The following CNTNAP2 variants were observed in gnomAD, a reference collection of about 807,000 sequenced individuals.
CNTNAP2 encodes the protein contactin associated protein 2, also known as contactin-associated protein-like 2.
In CNTNAP2, 98 loss-of-function variants were observed where a neutral mutation model predicts 155.2. The observed-to-expected ratio is 0.63, with a 90% CI of 0.54 to 0.75. The LOEUF (loss-of-function observed/expected upper bound fraction) is 0.75, where lower values mean the gene tolerates loss of function less well. Ranked by LOEUF, CNTNAP2 falls within the 30% of genes least tolerant of loss-of-function variation. CNTNAP2 has a pLI of 0.00. For synonymous variants in CNTNAP2, 651 were observed against 631.2 expected (o/e 1.03, Z -0.47); for missense variants, 1,727 against 1,688.1 (o/e 1.02, Z -0.40).
At chr7:146,330,660 G>A (rs969606440) in intron 1 of CNTNAP2, among the ~76,000 whole-genome samples, 6 of 152,238 alleles carry the variant, frequency 3.9e-5, no homozygotes, top group South Asian at 2.1e-4. Flanking sequence ...ACTTTTCATC[G>A]AAAGAGAACA....
intron 8 of CNTNAP2, among the ~76,000 whole-genome samples, chr7:147,156,141 G>A (rs1055654985): frequency 9.9e-5 from 15 of 152,176 alleles, no homozygotes; most frequent in African/African-American, 2.6e-4. Flanking sequence ...GGTAGATTTC[G>A]GAGCCTCATA....
chr7:147,148,792 G>T (rs968224759), intron 8 of CNTNAP2, among the ~76,000 whole-genome samples: 1 of 152,174 alleles, frequency 6.6e-6, no homozygotes, highest in Non-Finnish European at 1.5e-5. Context: ...ACTGACTTCG[G>T]GAGTGAAGCC....
At chr7:146,189,562 A>G (rs1480526117) in intron 1 of CNTNAP2, among the ~76,000 whole-genome samples, 1 of 152,196 alleles carries the variant, frequency 6.6e-6, no homozygotes, top group Non-Finnish European at 1.5e-5. Flanking sequence ...AACAAAGTCT[A>G]TACATATGCA....
intron 1 of CNTNAP2, among the ~76,000 whole-genome samples, chr7:146,392,712 C>T (rs535832963): frequency 2.6e-5 from 4 of 152,124 alleles, no homozygotes; most frequent in East Asian, 1.9e-4. Context: ...GGAACAGTTT[C>T]TTAACATTCC....
intron 15 of CNTNAP2, among the ~76,000 whole-genome samples, chr7:148,045,046 G>A (rs1802751709): frequency 6.6e-6 from 1 of 152,162 alleles, no homozygotes; most frequent in African/African-American, 2.4e-5. Flanking sequence ...AAAGCTCTGA[G>A]CAGAAGGAGA....
At chr7:147,926,970 A>C (rs1585032930) in intron 14 of CNTNAP2, among the ~76,000 whole-genome samples, 1 of 152,218 alleles carries the variant, frequency 6.6e-6, no homozygotes. Flanking sequence ...AATCAAATTA[A>C]TTACTAATAA....
At chr7:147,858,989 C>T (rs1182478248) in intron 13 of CNTNAP2, among the ~76,000 whole-genome samples, 1 of 152,098 alleles carries the variant, frequency 6.6e-6, no homozygotes, top group Non-Finnish European at 1.5e-5. Flanking sequence ...GTCAGAACTC[C>T]TCTTATCTCT....
chr7:147,677,555 G>A (rs916686439), intron 13 of CNTNAP2, among the ~76,000 whole-genome samples: 3 of 151,742 alleles, frequency 2.0e-5, no homozygotes, highest in Non-Finnish European at 3.0e-5. Flanking sequence ...TGCTTTTGTC[G>A]CCTGTGCTTT....
At chr7:148,386,344 A>C (rs1455398739) in intron 22 of CNTNAP2, among the ~76,000 whole-genome samples, 3 of 152,142 alleles carry the variant, frequency 2.0e-5, no homozygotes, top group African/African-American at 7.2e-5. Flanking sequence ...CCTGACCAAC[A>C]CGGTGAAAGC....
chr7:148,101,350 A>AGTGTGTGTGT (rs4015917), intron 15 of CNTNAP2, among the ~76,000 whole-genome samples: 6 of 144,354 alleles, frequency 4.2e-5, no homozygotes, highest in South Asian at 2.3e-4. Flanking sequence ...TAAAAAGTTC[A>AGTGTGTGTGT]GTGTGTGTGT....
intron 14 of CNTNAP2, 69 bp from the exon 15 acceptor site, chr7:147,977,793 C>A: frequency 6.3e-7 from 1 of 1,598,020 alleles, no homozygotes; most frequent in African/African-American, 1.3e-5. Context: ...ACAACGTAAG[C>A]AACTAGCAGA....
At chr7:146,898,159 TATTGTC>T (rs1165088926) in intron 3 of CNTNAP2, among the ~76,000 whole-genome samples, 1 of 152,098 alleles carries the variant, frequency 6.6e-6, no homozygotes, top group African/African-American at 2.4e-5. Flanking sequence ...GTATATAACT[TATTGTC>T]AATTCTGCAA....
At chr7:147,762,889 G>A (rs947436872) in intron 13 of CNTNAP2, among the ~76,000 whole-genome samples, 4 of 152,026 alleles carry the variant, frequency 2.6e-5, no homozygotes, top group South Asian at 2.1e-4. Context: ...TGTGTTGTTC[G>A]ACAGTTATTT....
At chr7:147,039,367 C>T (rs1563053897) in intron 3 of CNTNAP2, among the ~76,000 whole-genome samples, 1 of 152,250 alleles carries the variant, frequency 6.6e-6, no homozygotes, top group East Asian at 1.9e-4. Flanking sequence ...CCTCCTTCCA[C>T]CCTCCACTCT....
At position 147,903,592 on chromosome 7, in the gene CNTNAP2, G is replaced by A. The variant is rs774529648; in HGVS notation, c.2126G>A (p.Gly709Asp). Residue 709 changes from glycine (G) to aspartate (D), a missense_variant, in exon 14 of 24, where the codon GGC becomes GAC. Physicochemically the swap from Gly to Asp is moderately conservative, Grantham distance 94. Transcript: ENST00000361727. ...PDGSPYTWWV[G>D]KANEKHYYWG... is the part of the protein sequence containing the mutation. ...GGAAGCCCTTACACTTGGTGGGTTG[G>A]CAAAGCCAACGAGAAGCACTACTAC... is the stretch of plus-strand genomic sequence containing the variant. 1.2e-6 allele frequency: 2 copies of A among 1,614,146 alleles called. No homozygotes were observed. The highest frequency in any genetic ancestry group is 2.2e-5 in the South Asian group (2 of 91,084).
chr7:147,040,984 T>A (rs1278896272), intron 3 of CNTNAP2, among the ~76,000 whole-genome samples: 1 of 152,196 alleles, frequency 6.6e-6, no homozygotes, highest in Non-Finnish European at 1.5e-5. Flanking sequence ...ATATCAAATC[T>A]GTCTTTTATT....
At chr7:146,675,190 G>A (rs1800377735) in intron 1 of CNTNAP2, among the ~76,000 whole-genome samples, 1 of 151,996 alleles carries the variant, frequency 6.6e-6, no homozygotes, top group Non-Finnish European at 1.5e-5. Context: ...ATAATAAATG[G>A]GATAATTAAC....
chr7:147,804,475 A>G (rs1377821429), intron 13 of CNTNAP2, among the ~76,000 whole-genome samples: 1 of 152,022 alleles, frequency 6.6e-6, no homozygotes, highest in African/African-American at 2.4e-5. Context: ...TTCACACTCC[A>G]TCTAAGATAA....
At position 146,546,400 on chromosome 7, in the gene CNTNAP2, T is replaced by C. The variant is rs111496142; in HGVS notation, c.98-227871T>C. Among the ~76,000 whole-genome samples, 780 of 151,964 alleles carry C rather than the reference T, an allele frequency of 5.1e-3. 8 individuals are homozygous for C. Among genetic ancestry groups the C allele is most frequent in the African/African-American group, 0.018 (748 of 41,496 alleles). On this transcript the variant is annotated intron_variant, in intron 1 of 23. Coordinates refer to ENST00000361727, the MANE Select transcript of CNTNAP2 (RefSeq NM_014141.6). ...GCAAGATACACTACCAAATAAATAA[T>C]TTAGAAAATTTGAAGGTACAAAACA...
Sources: allele counts gnomAD v4.1 joint callset (sites outside exome capture counted in the v4.1 genomes callset), GRCh38; gene constraint gnomAD v4.1.1; transcripts MANE v1.5; gene names NCBI Gene and HGNC (gene_info 2026-07-23, HGNC 2026-07-21).